Variants in TP73 observed in about 807,000 individuals in gnomAD.
TP73 encodes tumor protein p73.
In TP73, 25 loss-of-function variants were observed where a neutral mutation model predicts 62.5. The observed-to-expected ratio is 0.40, with a 90% CI of 0.29 to 0.56. The LOEUF (loss-of-function observed/expected upper bound fraction) is 0.56, where lower values mean the gene tolerates loss of function less well. TP73 is among the 20% of genes least tolerant of loss of function. The pLI is 0.46. For synonymous variants in TP73, 423 were observed against 377.5 expected (o/e 1.12, Z -1.40); for missense variants, 754 against 913.3 (o/e 0.83, Z 2.25).
At chr1:3,674,846 G>T (rs560073022) in intron 1 of TP73, among the ~76,000 whole-genome samples, 19 of 152,332 alleles carry the variant, frequency 1.2e-4, no homozygotes, top group Non-Finnish European at 2.5e-4. Context: ...TGGGAGAGCC[G>T]CTGTCTCACA....
intron 2 of TP73, 150 bp from the exon 3 acceptor site, chr1:3,682,910 G>A: frequency 9.1e-7 from 1 of 1,093,060 alleles, no homozygotes; most frequent in Admixed American, 2.5e-5. Flanking sequence ...GGCAGGTGGA[G>A]GACAGAGATG....
rs139462097 is a variant in TP73, at chr1:3,665,063, C to A, written c.-34+12422C>A. On this transcript the variant is annotated intron_variant, in intron 1 of 13. Coordinates refer to ENST00000378295, the MANE Select transcript of TP73 (RefSeq NM_005427.4). ...TCCAAGCTAGTTAATGAGCTGTGAT[C>A]GGCCACGCTCACGATTCAGTGCAGG... 4.6e-5 allele frequency among the ~76,000 whole-genome samples: 7 copies of A among 152,290 alleles called. No individual in the cohort carries two copies. The South Asian group carries it at 6.2e-4, about 14-fold the overall frequency.
At chr1:3,730,729 A>T (rs1174317778) in intron 11 of TP73, among the ~76,000 whole-genome samples, 198 bp from the exon 12 acceptor site, 2 of 152,104 alleles carry the variant, frequency 1.3e-5, no homozygotes, top group Non-Finnish European at 2.9e-5. Flanking sequence ...CCCCGTCCCT[A>T]CTAGGCGGGG....
chr1:3,715,395 C>A (rs1456423232), intron 4 of TP73, among the ~76,000 whole-genome samples: 1 of 152,140 alleles, frequency 6.6e-6, no homozygotes, highest in Non-Finnish European at 1.5e-5. Context: ...TCTGCCTAGA[C>A]CCCGACCCCA....
chr1:3,667,862 C>T lies in TP73; in HGVS notation c.-33-14471C>T, dbSNP rs376924193. ...CAGCTTAAAATAGGGCAGGGGAGTT[C>T]AGGAATAGCTTTGCAACCCTTGTGT... On this transcript the variant is annotated intron_variant, in intron 1 of 13. Coordinates refer to ENST00000378295, the MANE Select transcript of TP73 (RefSeq NM_005427.4). Among the ~76,000 whole-genome samples the T allele has an allele frequency of 3.9e-5, 6 of 152,298 alleles. No homozygotes were observed. In the East Asian group the frequency reaches 7.7e-4, roughly 20 times the overall value.
rs1642355666 is a variant in TP73 at position 3,734,575 on chromosome 1, C to T, written c.*1496C>T. ...GTGGTCCTAAGGGCTAGGAGCTTCCCCTACTAACATCTCCCAGAAAAAGCA... is the reference window on the plus strand; with the variant it reads ...GTGGTCCTAAGGGCTAGGAGCTTCCTCTACTAACATCTCCCAGAAAAAGCA... On this transcript the variant is annotated 3_prime_UTR_variant, in exon 14 of 14. Coordinates refer to ENST00000378295, the MANE Select transcript of TP73 (RefSeq NM_005427.4). This position sits in a 1 kb window ranked among gnomAD's most constrained non-coding sequence, Gnocchi z 4.4. The T allele has an allele frequency of 6.6e-6, 1 of 152,254 alleles. No individual in the cohort carries two copies. The highest frequency in any genetic ancestry group is 2.4e-5 in the African/African-American group (1 of 41,436). The allele number at this position is 152,254 out of a possible 1,614,324, so 9.4% of individuals were successfully genotyped here.
In TP73 at chr1:3,729,297, G is replaced by C. The variant is rs748690721; in HGVS notation, c.1075-30G>C. The C allele has an allele frequency of 3.7e-6, 6 of 1,612,498 alleles. No homozygotes were observed. The South Asian group carries it at 6.6e-5, about 18-fold the overall frequency. ...CCCCTCCCGTGGGGGTCTGGGGCAC[G>C]TGGGCAGAGATCTGCTCCTCTGTGC... On this transcript the variant is annotated intron_variant, in intron 9 of 13. Coordinates refer to ENST00000378295, the MANE Select transcript of TP73 (RefSeq NM_005427.4).
At chr1:3,716,970 A>C (rs966895488) in intron 4 of TP73, among the ~76,000 whole-genome samples, 1 of 152,210 alleles carries the variant, frequency 6.6e-6, no homozygotes, top group Non-Finnish European at 1.5e-5. Context: ...CACACAAGCA[A>C]GGGAACTGGA....
chr1:3,699,840 C>G lies in TP73; in HGVS notation c.187-7709C>G, dbSNP rs1483057009. On this transcript the variant is annotated intron_variant, in intron 3 of 13. Transcript: ENST00000378295. This position sits in a 1 kb window ranked among gnomAD's most constrained non-coding sequence, Gnocchi z 4.1. Reference sequence around the variant, plus strand: ...GATTTCAGCTGACATCCCTACTACGCTTTTTCACGTGCCTCCCTCTCTGAC... The same window carrying G: ...GATTTCAGCTGACATCCCTACTACGGTTTTTCACGTGCCTCCCTCTCTGAC... Among the ~76,000 whole-genome samples, 1 of 152,124 alleles carries G rather than the reference C, an allele frequency of 6.6e-6. No individual in the cohort carries two copies. The highest frequency in any genetic ancestry group is 1.5e-5 in the Non-Finnish European group (1 of 68,000).
intron 4 of TP73, among the ~76,000 whole-genome samples, chr1:3,709,119 G>A (rs967357786): frequency 6.6e-6 from 1 of 152,194 alleles, no homozygotes; most frequent in Non-Finnish European, 1.5e-5. Context: ...AGTCCTGCCG[G>A]GCTGGTCTGG....
chr1:3,683,275 C>T (rs1430772749), intron 3 of TP73, 95 bp downstream of exon 3: 2 of 1,443,390 alleles, frequency 1.4e-6, no homozygotes, highest in African/African-American at 1.4e-5. Context: ...CAGGAGATAG[C>T]CTCTTGGTTG....
intron 13 of TP73, among the ~76,000 whole-genome samples, chr1:3,731,803 C>G (rs1314071381): frequency 6.6e-6 from 1 of 152,220 alleles, no homozygotes; most frequent in Non-Finnish European, 1.5e-5. Flanking sequence ...TTTTTGGACT[C>G]CCAGCAGCCA....
Position 3,699,136 on chromosome 1 carries a change from A to G in TP73, c.187-8413A>G, listed in dbSNP as rs1271937866. 6.6e-6 allele frequency among the ~76,000 whole-genome samples: 1 copy of G among 151,578 alleles called. No homozygotes were observed. The highest frequency in any genetic ancestry group is 1.5e-5 in the Non-Finnish European group (1 of 67,982). ...CTGTGTGCACATTGTCGGGAGAGGGAGGCTTCCCCCCAGCCGCATGTCGAA... is the reference window on the plus strand; with the variant it reads ...CTGTGTGCACATTGTCGGGAGAGGGGGGCTTCCCCCCAGCCGCATGTCGAA... On this transcript the variant is annotated intron_variant, in intron 3 of 13. Transcript: ENST00000378295. This position sits in a 1 kb window ranked among gnomAD's most constrained non-coding sequence, Gnocchi z 4.1.
In TP73 at chr1:3,727,880, C is replaced by G. The variant is rs572538177; in HGVS notation, c.985+110C>G. The G allele has an allele frequency of 7.1e-6, 10 of 1,413,758 alleles. No individual in the cohort carries two copies. The East Asian group carries it at 2.3e-4, about 32-fold the overall frequency. The allele number at this position is 1,413,758 out of a possible 1,614,324, so 87.6% of individuals were successfully genotyped here. On this transcript the variant is annotated intron_variant, in intron 8 of 13. Coordinates refer to ENST00000378295, the MANE Select transcript of TP73 (RefSeq NM_005427.4). ...GGACAGGGCCAGTCCCTGAACGGCCCCCCACGCCCAGACTCCTCCCTGACG... is the reference window on the plus strand; with the variant it reads ...GGACAGGGCCAGTCCCTGAACGGCCGCCCACGCCCAGACTCCTCCCTGACG...
intron 1 of TP73, among the ~76,000 whole-genome samples, chr1:3,654,038 G>A (rs771760160): frequency 6.2e-4 from 94 of 152,274 alleles, no homozygotes; most frequent in Non-Finnish European, 8.8e-4. Flanking sequence ...GCTGGGCATG[G>A]TGGCAGGCAC....
intron 1 of TP73, among the ~76,000 whole-genome samples, chr1:3,658,256 G>A (rs975306130): frequency 4.6e-5 from 7 of 152,242 alleles, no homozygotes; most frequent in African/African-American, 1.7e-4. Context: ...TCCCCAAAGA[G>A]CAAGCTGTGG....
At chr1:3,730,348 G>T (rs1235615810) in intron 11 of TP73, among the ~76,000 whole-genome samples, 200 bp downstream of exon 11, 1 of 152,238 alleles carries the variant, frequency 6.6e-6, no homozygotes, top group Non-Finnish European at 1.5e-5. Context: ...GAGGTGGAGG[G>T]GGGCGTGGTT....
rs2124301397 is a variant in TP73 at position 3,696,335 on chromosome 1, G to C, written c.187-11214G>C. The stretch of plus-strand genomic sequence containing the variant: ...AGGCAGGAAAGGCCGGCAGGGTCTG[G>C]ATGTGAGGTGGGTAAGGAGTTGGGG... On this transcript the variant is annotated intron_variant, in intron 3 of 13. Transcript: ENST00000378295. The surrounding 1 kb of genome is among the most constrained non-coding windows in gnomAD (Gnocchi z 4.1). Among the ~76,000 whole-genome samples, 1 of 152,206 alleles carries C rather than the reference G, an allele frequency of 6.6e-6. No homozygotes were observed. The highest frequency in any genetic ancestry group is 1.9e-4 in the East Asian group (1 of 5,162).
At chr1:3,713,673 C>T (rs141179409) in intron 4 of TP73, among the ~76,000 whole-genome samples, 3 of 152,174 alleles carry the variant, frequency 2.0e-5, no homozygotes, top group African/African-American at 4.8e-5. Context: ...AGGCCCTGAG[C>T]GACCTCCAGA....
Sources: allele counts gnomAD v4.1 joint callset (sites outside exome capture counted in the v4.1 genomes callset), GRCh38; gene constraint gnomAD v4.1.1; non-coding constraint Gnocchi (gnomAD v3.1); transcripts MANE v1.5; gene names NCBI Gene and HGNC (gene_info 2026-07-23, HGNC 2026-07-21).